The following CASZ1 variants were observed in gnomAD, a reference collection of about 807,000 sequenced individuals.
CASZ1 encodes the protein zinc finger protein castor homolog 1.
CASZ1 carries 28 observed loss-of-function variants against 135.2 expected under a neutral mutation model. The observed-to-expected ratio is 0.21, with a 90% CI of 0.15 to 0.28. The LOEUF is 0.28. Among genes scored for constraint, CASZ1 ranks in the 10% least tolerant of loss-of-function variants. The pLI is 1.00. For missense variants in CASZ1, 2,161 were observed against 2,453.3 expected, an observed-to-expected ratio of 0.88 and a Z score of 2.52; for synonymous variants, 1,068 against 1,073.4, an observed-to-expected ratio of 0.99 and a Z score of 0.10.
chr1:10,661,807 A>G (rs996746496), intron 5 of CASZ1, among the ~76,000 whole-genome samples: 1 of 150,984 alleles, frequency 6.6e-6, no homozygotes, highest in Non-Finnish European at 1.5e-5. Flanking sequence ...TCTCACACAC[A>G]CACCCACAGT....
chr1:10,685,709 G>A (rs767312544), intron 4 of CASZ1, among the ~76,000 whole-genome samples: 1 of 152,184 alleles, frequency 6.6e-6, no homozygotes. Context: ...CAATTGCCAC[G>A]CCTGCCTGAG....
In CASZ1 at chr1:10,648,841, T is replaced by C. The variant is rs1239793768; in HGVS notation, c.3158+229A>G. 7.1e-5 allele frequency: 40 copies of C among 559,670 alleles called. No individual in the cohort carries two copies. The East Asian group carries it at 1.3e-3, about 18-fold the overall frequency. The allele number at this position is 559,670 out of a possible 1,614,324, so 34.7% of individuals were successfully genotyped here. ...GGGACGTGGGTGCAGCAGCAGCTGT[T>C]GCTCAGGGTCCCAGGAAGGGCCTGG... is the stretch of plus-strand genomic sequence containing the variant. On this transcript the variant is annotated intron_variant, in intron 15 of 20. Transcript: ENST00000377022.
rs1202839135 is a variant in CASZ1 at position 10,767,491 on chromosome 1, G to GC, written c.-233-6635dup. Among the ~76,000 whole-genome samples, 2 of 152,200 alleles carry GC rather than the reference G, an allele frequency of 1.3e-5. No individual in the cohort carries two copies. The highest frequency in any genetic ancestry group is 2.9e-5 in the Non-Finnish European group (2 of 68,030). On this transcript the variant is annotated intron_variant, in intron 1 of 20. Transcript: ENST00000377022. This position sits in a 1 kb window ranked among gnomAD's most constrained non-coding sequence, Gnocchi z 4.2. ...GAGCACAGGCTTCCCCTATTGCAAA[G>GC]CCAGGCCCAGGGAGGCCGGGAAGCA... is the stretch of plus-strand genomic sequence containing the variant.
At chr1:10,789,095 G>T (rs572539693) in intron 1 of CASZ1, among the ~76,000 whole-genome samples, 6 of 152,246 alleles carry the variant, frequency 3.9e-5, no homozygotes, top group African/African-American at 1.2e-4. Flanking sequence ...GAGGCCAGGG[G>T]TCAGGAGCCA....
At position 10,646,410 on chromosome 1, in the gene CASZ1, C is replaced by A; in HGVS notation, c.3498-84G>T. The stretch of plus-strand genomic sequence containing the variant: ...TCCTGACTTCACTTGTGTTGGAGTT[C>A]ACTCCCCCACGACCAGCGGTACCAC... On this transcript the variant is annotated intron_variant, in intron 16 of 20. Coordinates refer to ENST00000377022, the MANE Select transcript of CASZ1 (RefSeq NM_001079843.3). This position sits in a 1 kb window ranked among gnomAD's most constrained non-coding sequence, Gnocchi z 6.4. 3 of 1,317,548 alleles carry A rather than the reference C, an allele frequency of 2.3e-6. No individual in the cohort carries two copies. Among genetic ancestry groups the A allele is most frequent in the Non-Finnish European group, 3.2e-6 (3 of 931,352 alleles). The allele number at this position is 1,317,548 out of a possible 1,614,324, so 81.6% of individuals were successfully genotyped here.
intron 4 of CASZ1, among the ~76,000 whole-genome samples, chr1:10,692,962 T>A (rs897812948): frequency 6.6e-6 from 1 of 152,184 alleles, no homozygotes; most frequent in East Asian, 1.9e-4. Context: ...ACCTAGCACG[T>A]GAGGGTCCTG....
At chr1:10,689,569 C>A (rs72860115) in intron 4 of CASZ1, among the ~76,000 whole-genome samples, 10,041 of 152,172 alleles carry the variant, frequency 0.066, 733 homozygotes, top group African/African-American at 0.18. Flanking sequence ...GGGAGCCTTT[C>A]GGACCTGCCC....
At position 10,653,622 on chromosome 1, in the gene CASZ1, G is replaced by T; in HGVS notation, c.2435C>A (p.Ser812Tyr). 1 of 1,550,756 alleles carries T rather than the reference G, an allele frequency of 6.4e-7. No homozygotes were observed. Among genetic ancestry groups the T allele is most frequent in the Non-Finnish European group, 8.7e-7 (1 of 1,147,864 alleles). Reference protein sequence around the residue: ...FPILAGRGSTSLPVGTPSLLG... With the variant: ...FPILAGRGSTYLPVGTPSLLG... ...GAGGCTGGGGGTGCCCACAGGCAGG[G>T]AGGTGCTCCCACGGCCAGCCAGTAT... Residue 812 changes from serine (S) to tyrosine (Y), a missense_variant, in exon 11 of 21, where the codon TCC (serine) becomes TAC (tyrosine). Physicochemically the swap from Ser to Tyr is moderately radical, Grantham distance 144. Coordinates refer to ENST00000377022, the MANE Select transcript of CASZ1 (RefSeq NM_001079843.3).
chr1:10,778,449 C>T (rs138080636), intron 1 of CASZ1, among the ~76,000 whole-genome samples: 14 of 152,222 alleles, frequency 9.2e-5, no homozygotes, highest in Non-Finnish European at 1.9e-4. Flanking sequence ...CATACAATCT[C>T]ATACAGAATC....
intron 2 of CASZ1, among the ~76,000 whole-genome samples, chr1:10,758,711 A>T (rs1640306588): frequency 6.6e-6 from 1 of 152,208 alleles, no homozygotes. Flanking sequence ...TGAGCCAGAC[A>T]GGGTCAGGCC....
chr1:10,686,211 G>C (rs1638582489), intron 4 of CASZ1, among the ~76,000 whole-genome samples: 1 of 152,196 alleles, frequency 6.6e-6, no homozygotes, highest in Non-Finnish European at 1.5e-5. Context: ...CAAGGTCACA[G>C]GGCCGTCCAC....
At position 10,747,253 on chromosome 1, in the gene CASZ1, C is replaced by T. The variant is rs751921638; in HGVS notation, c.-77+13448G>A. On this transcript the variant is annotated intron_variant, in intron 2 of 20. Coordinates refer to ENST00000377022, the MANE Select transcript of CASZ1 (RefSeq NM_001079843.3). This position sits in a 1 kb window ranked among gnomAD's most constrained non-coding sequence, Gnocchi z 4.3. ...TGGGGCTGGGAAGCAAAGGGGAAGCCGTCCTTGGGAAGGTGGGGTCTGCAG... is the reference window on the plus strand; with the variant it reads ...TGGGGCTGGGAAGCAAAGGGGAAGCTGTCCTTGGGAAGGTGGGGTCTGCAG... Among the ~76,000 whole-genome samples the T allele has an allele frequency of 3.0e-4, 45 of 152,308 alleles. No homozygotes were observed. The highest frequency in any genetic ancestry group is 6.0e-4 in the Non-Finnish European group (41 of 68,028).
intron 1 of CASZ1, among the ~76,000 whole-genome samples, chr1:10,790,773 T>C (rs778240325): frequency 1.3e-5 from 2 of 152,164 alleles, no homozygotes; most frequent in Non-Finnish European, 2.9e-5. Flanking sequence ...CACAAAAACC[T>C]TGGCTATGCC....
chr1:10,773,191 G>A (rs1640605235), intron 1 of CASZ1, among the ~76,000 whole-genome samples: 2 of 152,212 alleles, frequency 1.3e-5, no homozygotes, highest in African/African-American at 4.8e-5. Context: ...AGGGATGTGG[G>A]CACTGAGATT....
In CASZ1 at chr1:10,777,981, A is replaced by G. The variant is rs1224964941; in HGVS notation, c.-233-17124T>C. Among the ~76,000 whole-genome samples the G allele has an allele frequency of 6.6e-6, 1 of 152,126 alleles. No homozygotes were observed. The highest frequency in any genetic ancestry group is 1.5e-5 in the Non-Finnish European group (1 of 68,016). On this transcript the variant is annotated intron_variant, in intron 1 of 20. Transcript: ENST00000377022. This position sits in a 1 kb window ranked among gnomAD's most constrained non-coding sequence, Gnocchi z 4.4. ...CATACAATCTCATACGCAATCGCATACACAATCTCATACAGTCTCATATAC... is the reference window on the plus strand; with the variant it reads ...CATACAATCTCATACGCAATCGCATGCACAATCTCATACAGTCTCATATAC...
rs1387440164 is a variant in CASZ1, at chr1:10,711,039, G to A, written c.-76-5495C>T. ...CCAGCTACTCGGGAGGCTGAGGCGT[G>A]AGAATCATTTGAACCCGGGAGGCAG... On this transcript the variant is annotated intron_variant, in intron 2 of 20. Transcript: ENST00000377022. This position sits in a 1 kb window ranked among gnomAD's most constrained non-coding sequence, Gnocchi z 4.4. Among the ~76,000 whole-genome samples, 2 of 152,232 alleles carry A rather than the reference G, an allele frequency of 1.3e-5. No individual in the cohort carries two copies. Among genetic ancestry groups the A allele is most frequent in the African/African-American group, 4.8e-5 (2 of 41,454 alleles).
At chr1:10,656,797 C>A in intron 7 of CASZ1, 61 bp from the exon 8 acceptor site, 1 of 1,091,476 alleles carries the variant, frequency 9.2e-7, no homozygotes, top group Admixed American at 2.0e-5. Flanking sequence ...GCCCCAGCCC[C>A]AGCCCCAGCC....
Position 10,776,600 on chromosome 1 carries a change from G to A in CASZ1, c.-233-15743C>T, listed in dbSNP as rs2100603381. 6.6e-6 allele frequency among the ~76,000 whole-genome samples: 1 copy of A among 152,358 alleles called. No homozygotes were observed. The highest frequency in any genetic ancestry group is 6.5e-5 in the Admixed American group (1 of 15,314). On this transcript the variant is annotated intron_variant, in intron 1 of 20. Transcript: ENST00000377022. The surrounding 1 kb of genome is among the most constrained non-coding windows in gnomAD (Gnocchi z 4.1). ...ATGGGTTGGGGGCACTGCCCACCGA[G>A]CCTGCAAAGGCTCTCCCTGGTACCA...
At position 10,774,611 on chromosome 1, in the gene CASZ1, C is replaced by G. The variant is rs947083092; in HGVS notation, c.-233-13754G>C. ...GATCCAGATGGAGCATTTTTCTGCT[C>G]TATTAACAACCACACAGAGCTCTGG... is the stretch of plus-strand genomic sequence containing the variant. On this transcript the variant is annotated intron_variant, in intron 1 of 20. Transcript: ENST00000377022. The surrounding 1 kb of genome is among the most constrained non-coding windows in gnomAD (Gnocchi z 4.4). 6.6e-6 allele frequency among the ~76,000 whole-genome samples: 1 copy of G among 152,160 alleles called. No individual in the cohort carries two copies. Among genetic ancestry groups the G allele is most frequent in the Non-Finnish European group, 1.5e-5 (1 of 68,034 alleles).
Sources: allele counts gnomAD v4.1 joint callset (sites outside exome capture counted in the v4.1 genomes callset), GRCh38; gene constraint gnomAD v4.1.1; non-coding constraint Gnocchi (gnomAD v3.1); transcripts MANE v1.5; gene names NCBI Gene and HGNC (gene_info 2026-07-23, HGNC 2026-07-21).